PPFIA2: variants seen among roughly 807,000 people sequenced by gnomAD.
PPFIA2 encodes liprin-alpha-2.
PPFIA2 carries 46 observed loss-of-function variants against 175.5 expected under a neutral mutation model. The observed-to-expected ratio is 0.26, with a 90% CI of 0.21 to 0.34. The LOEUF is 0.34. PPFIA2 is among the 10% of genes least tolerant of loss of function. The probability of loss-of-function intolerance (pLI) is 1.00; values close to 1 mark genes in which losing one functional copy is unlikely to be tolerated. For synonymous variants in PPFIA2, 568 were observed against 511.4 expected, an observed-to-expected ratio of 1.11 and a Z score of -1.49; for missense variants, 1,179 against 1,506.1, an observed-to-expected ratio of 0.78 and a Z score of 3.60.
chr12:81,589,153 T>G (rs1261675345), intron 4 of PPFIA2, among the ~76,000 whole-genome samples: 1 of 152,098 alleles, frequency 6.6e-6, no homozygotes, highest in African/African-American at 2.4e-5. Flanking sequence ...GCTTGATGTC[T>G]GTGAATTAAC....
In PPFIA2 at chr12:81,748,857, T is replaced by C. The variant is rs781308318; in HGVS notation, c.249+5116A>G. On this transcript the variant is annotated intron_variant, in intron 3 of 32. Coordinates refer to ENST00000549396, the MANE Select transcript of PPFIA2 (RefSeq NM_003625.5). ...ATCAGTTCACCCCAAATTCTCCAGATTATACCACATAGAAATTCCTGTCTT... is the reference window on the plus strand; with the variant it reads ...ATCAGTTCACCCCAAATTCTCCAGACTATACCACATAGAAATTCCTGTCTT... 5.5e-5 allele frequency among the ~76,000 whole-genome samples: 8 copies of C among 144,792 alleles called. 1 individual carries two copies. The highest frequency in any genetic ancestry group is 9.3e-5 in the Non-Finnish European group (6 of 64,572). The allele number at this position is 144,792 out of a possible 152,430, so 95.0% of individuals were successfully genotyped here.
chr12:81,497,138 G>A (rs1467641362), intron 4 of PPFIA2, among the ~76,000 whole-genome samples: 3 of 152,162 alleles, frequency 2.0e-5, no homozygotes, highest in Non-Finnish European at 4.4e-5. Context: ...TGCCAGCAGT[G>A]CCACCTCCCT....
chr12:81,710,305 C>T (rs2077721733), intron 3 of PPFIA2, among the ~76,000 whole-genome samples: 1 of 86,416 alleles, frequency 1.2e-5, no homozygotes, highest in Non-Finnish European at 2.2e-5. Context: ...CACACTCTCT[C>T]TCACACACAC....
chr12:81,312,404 G>A, intron 22 of PPFIA2: 1 of 530,200 alleles, frequency 1.9e-6, no homozygotes, highest in Non-Finnish European at 3.4e-6. Flanking sequence ...ATAAGTCTAT[G>A]TCTTGAGTAT....
chr12:81,621,507 T>A (rs1450949481), intron 4 of PPFIA2, among the ~76,000 whole-genome samples: 1 of 152,180 alleles, frequency 6.6e-6, no homozygotes, highest in Non-Finnish European at 1.5e-5. Context: ...TCATTTTAGC[T>A]TTTGGATTGA....
intron 3 of PPFIA2, among the ~76,000 whole-genome samples, chr12:81,742,465 C>T (rs2082441970): frequency 1.3e-5 from 2 of 152,104 alleles, no homozygotes; most frequent in Admixed American, 1.3e-4. Flanking sequence ...CTAGATTGCA[C>T]AGAGAATATG....
At chr12:81,383,049 T>A (rs1033718804) in intron 9 of PPFIA2, among the ~76,000 whole-genome samples, 1 of 152,098 alleles carries the variant, frequency 6.6e-6, no homozygotes, top group African/African-American at 2.4e-5. Flanking sequence ...GATCAAGTGC[T>A]TCAGAAGACT....
At chr12:81,342,132 T>C (rs189586404) in intron 19 of PPFIA2, among the ~76,000 whole-genome samples, 1 of 152,164 alleles carries the variant, frequency 6.6e-6, no homozygotes, top group Admixed American at 6.6e-5. Flanking sequence ...AAAGAACACT[T>C]TAGTACAGAA....
At chr12:81,449,982 T>C (rs1184985839) in intron 5 of PPFIA2, among the ~76,000 whole-genome samples, 1 of 152,112 alleles carries the variant, frequency 6.6e-6, no homozygotes. Context: ...TCCTTTTTTA[T>C]GGCTGCATAG....
At chr12:81,410,220 C>G (rs752626964) in intron 7 of PPFIA2, among the ~76,000 whole-genome samples, 2 of 152,072 alleles carry the variant, frequency 1.3e-5, no homozygotes, top group Non-Finnish European at 1.5e-5. Context: ...TATGCAGTCT[C>G]AGACATTTTG....
chr12:81,288,911 G>A (rs577259304), intron 24 of PPFIA2, among the ~76,000 whole-genome samples: 1 of 151,772 alleles, frequency 6.6e-6, no homozygotes, highest in South Asian at 2.1e-4. Flanking sequence ...TGGGGCTTAT[G>A]AGGTAAGTAA....
chr12:81,370,579 T>A (rs1008794971), intron 11 of PPFIA2, among the ~76,000 whole-genome samples: 1 of 151,888 alleles, frequency 6.6e-6, no homozygotes, highest in Non-Finnish European at 1.5e-5. Flanking sequence ...AAACTGTTCC[T>A]GCATTGATTT....
At chr12:81,430,822 T>C (rs1245913523) in intron 7 of PPFIA2, 1 of 152,196 alleles carries the variant, frequency 6.6e-6, no homozygotes, top group African/African-American at 2.4e-5. Flanking sequence ...TCCATGGGCC[T>C]GTAATGCCCC....
Position 81,263,388 on chromosome 12 carries a change from A to C in PPFIA2, c.3558T>G (p.Ser1186Arg), listed in dbSNP as rs779126028. The change falls in exon 31 of 33, where the codon AGT becomes AGG. Residue 1186 changes from serine (S) to arginine (R), a missense_variant and splice_region_variant. Physicochemically the swap from Ser to Arg is moderately radical, Grantham distance 110. Transcript: ENST00000549396. Reference protein sequence around the residue: ...ALGTERRLDESDDKNFRRGST... With the variant: ...ALGTERRLDERDDKNFRRGST... ...ATCCACGTCTGAAGTTCTTGTCATC[A>C]CTCTGCCAGTACAGTTATAAGGTGA... 1 of 1,612,294 alleles carries C rather than the reference A, an allele frequency of 6.2e-7. No homozygotes were observed. Among genetic ancestry groups the C allele is most frequent in the Non-Finnish European group, 8.5e-7 (1 of 1,178,584 alleles).
chr12:81,329,024 C>T (rs950555462), intron 21 of PPFIA2, among the ~76,000 whole-genome samples: 7 of 151,908 alleles, frequency 4.6e-5, no homozygotes, highest in Non-Finnish European at 8.8e-5. Flanking sequence ...GGCAGGTCTT[C>T]AACTGCTGGC....
intron 7 of PPFIA2, among the ~76,000 whole-genome samples, chr12:81,418,800 C>T (rs942882410): frequency 2.6e-5 from 4 of 151,794 alleles, no homozygotes; most frequent in African/African-American, 7.3e-5. Flanking sequence ...ATTTCCTTCA[C>T]ATAAGTACAA....
At chr12:81,664,322 A>T (rs1341790183) in intron 4 of PPFIA2, among the ~76,000 whole-genome samples, 11 of 150,976 alleles carry the variant, frequency 7.3e-5, no homozygotes, top group South Asian at 2.1e-4. Flanking sequence ...GAATCTACAA[A>T]GAACTCAAAC....
At chr12:81,657,904 A>AAT (rs1158411597) in intron 4 of PPFIA2, among the ~76,000 whole-genome samples, 2 of 152,196 alleles carry the variant, frequency 1.3e-5, no homozygotes, top group African/African-American at 4.8e-5. Flanking sequence ...TACCATGATT[A>AAT]TTTCCATATA....
At chr12:81,310,040 T>C (rs1208642337) in intron 22 of PPFIA2, among the ~76,000 whole-genome samples, 1 of 152,132 alleles carries the variant, frequency 6.6e-6, no homozygotes, top group Non-Finnish European at 1.5e-5. Context: ...GAGAATATTG[T>C]AATTTTTCAG....
Sources: allele counts gnomAD v4.1 joint callset (sites outside exome capture counted in the v4.1 genomes callset), GRCh38; gene constraint gnomAD v4.1.1; transcripts MANE v1.5; gene names NCBI Gene and HGNC (gene_info 2026-07-23, HGNC 2026-07-21).